Variants in RIMS1 observed in about 807,000 individuals in gnomAD.
RIMS1 encodes regulating synaptic membrane exocytosis 1.
Under a neutral mutation model 214.1 loss-of-function variants are expected in RIMS1, and 83 were observed. The ratio of observed to expected loss-of-function variants is 0.39; its 90% CI spans 0.32 to 0.47. The LOEUF is 0.47. Among genes scored for constraint, RIMS1 ranks in the 20% least tolerant of loss-of-function variants. RIMS1 has a pLI of 0.99. For missense variants in RIMS1, 2,050 were observed against 2,161.8 expected (o/e 0.95, Z 1.03); for synonymous variants, 793 against 786.8 (o/e 1.01, Z -0.13).
intron 11 of RIMS1, 145 bp downstream of exon 11, chr6:72,246,006 G>A: frequency 1.8e-6 from 1 of 556,858 alleles, no homozygotes; most frequent in Non-Finnish European, 3.1e-6. Context: ...GGCAATGATG[G>A]CAATAACTGG....
intron 6 of RIMS1, among the ~76,000 whole-genome samples, chr6:72,209,255 T>A (rs1203268850): frequency 6.6e-6 from 1 of 152,234 alleles, no homozygotes; most frequent in East Asian, 1.9e-4. Flanking sequence ...CTTTTAAATT[T>A]TTCCAGTTAG....
intron 1 of RIMS1, among the ~76,000 whole-genome samples, chr6:71,916,365 C>T (rs983211394): frequency 7.2e-5 from 11 of 151,996 alleles, no homozygotes; most frequent in African/African-American, 2.7e-4. Flanking sequence ...AGGCTGTTTC[C>T]AATGTTACAG....
chr6:71,924,627 C>T (rs1781005642), intron 1 of RIMS1, among the ~76,000 whole-genome samples: 1 of 125,526 alleles, frequency 8.0e-6, no homozygotes, highest in South Asian at 2.4e-4. Flanking sequence ...AACCCCATCT[C>T]TGCAAAAAAA....
At chr6:71,925,845 T>C (rs781024648) in intron 1 of RIMS1, among the ~76,000 whole-genome samples, 5 of 152,264 alleles carry the variant, frequency 3.3e-5, no homozygotes, top group Non-Finnish European at 5.9e-5. Context: ...TGTTGTTGTC[T>C]TACCAATTAC....
intron 2 of RIMS1, among the ~76,000 whole-genome samples, chr6:72,083,980 A>T (rs1409164836): frequency 6.6e-6 from 1 of 152,148 alleles, no homozygotes; most frequent in African/African-American, 2.4e-5. Flanking sequence ...TTCCCTCTTT[A>T]TAGTAACATA....
intron 2 of RIMS1, among the ~76,000 whole-genome samples, chr6:72,051,737 C>T (rs910892910): frequency 3.3e-5 from 5 of 152,112 alleles, no homozygotes; most frequent in African/African-American, 7.2e-5. Context: ...AATTTACTTT[C>T]TGTCTAAATA....
intron 2 of RIMS1, among the ~76,000 whole-genome samples, chr6:72,001,812 A>T (rs946889044): frequency 6.6e-6 from 1 of 152,174 alleles, no homozygotes; most frequent in African/African-American, 2.4e-5. Context: ...GTAACCAGGG[A>T]CATCCCTGTG....
Position 72,182,735 on chromosome 6 carries a change from C to A in RIMS1, c.1264C>A (p.Pro422Thr). 1 of 1,538,628 alleles carries A rather than the reference C, an allele frequency of 6.5e-7. No individual in the cohort carries two copies. ...GCCGGCGGCAGCCAGGGCCTCGCCG[C>A]CGGACTCGCCGCGGGCTTACTCGGC... ...RAPAAARASP[P>T]DSPRAYSAER... The change falls in exon 6 of 34, where the codon CCG (proline) becomes ACG (threonine). Residue 422 changes from proline to threonine, a missense_variant. By Grantham distance (38) the Pro-to-Thr change is conservative. Around this residue, in one of 6 missense-constraint regions of RIMS1, gnomAD observed 882 missense variants for 828.9 expected, o/e 1.06. Coordinates refer to ENST00000521978, the MANE Select transcript of RIMS1 (RefSeq NM_014989.7).
At chr6:72,175,894 T>A (rs1005000537) in intron 4 of RIMS1, among the ~76,000 whole-genome samples, 3 of 152,188 alleles carry the variant, frequency 2.0e-5, no homozygotes, top group Non-Finnish European at 4.4e-5. Flanking sequence ...GTTGCAATTT[T>A]TATTTCTCTG....
At chr6:71,959,508 A>G (rs575900945) in intron 1 of RIMS1, among the ~76,000 whole-genome samples, 28 of 152,262 alleles carry the variant, frequency 1.8e-4, no homozygotes, top group African/African-American at 6.5e-4. Context: ...TGTGATACAA[A>G]TAGAAAACAG....
intron 2 of RIMS1, among the ~76,000 whole-genome samples, chr6:72,059,478 C>T (rs918081760): frequency 2.6e-5 from 4 of 152,166 alleles, no homozygotes; most frequent in African/African-American, 9.7e-5. Flanking sequence ...ATCCATCCCC[C>T]TCGGCCTCCC....
intron 2 of RIMS1, among the ~76,000 whole-genome samples, chr6:72,010,205 A>T (rs1228593207): frequency 6.6e-6 from 1 of 152,238 alleles, no homozygotes; most frequent in African/African-American, 2.4e-5. Flanking sequence ...AATCCAGCAT[A>T]TAAACAGAAG....
At position 72,264,993 on chromosome 6, in the gene RIMS1, TA is replaced by T. The variant is rs587783021; in HGVS notation, c.3139del (p.Thr1047HisfsTer31). 7.8e-5 allele frequency: 124 copies of T among 1,595,860 alleles called. No individual in the cohort carries two copies. The East Asian group carries it at 2.7e-3, about 35-fold the overall frequency. On this transcript the variant is annotated frameshift_variant, in exon 20 of 34. Transcript: ENST00000521978. LOFTEE classifies it high-confidence loss of function. ...HTTRHLVRHY[K>X]TLPPKMPLLQ... ...GTTCCAGACATCTTGTTAGGCACTA[TA>T]AAACATTACCTCCCAAGATGCCTTT...
chr6:71,912,055 TTTA>T (rs1777086928), intron 1 of RIMS1, among the ~76,000 whole-genome samples: 1 of 152,124 alleles, frequency 6.6e-6, no homozygotes, highest in Admixed American at 6.6e-5. Context: ...ATATAAGATT[TTTA>T]TTAAGTCTTC....
intron 29 of RIMS1, among the ~76,000 whole-genome samples, chr6:72,366,174 G>A (rs922277574): frequency 6.6e-6 from 1 of 152,102 alleles, no homozygotes; most frequent in Non-Finnish European, 1.5e-5. Flanking sequence ...GCAGTAGGGT[G>A]GGACGTGAAA....
chr6:71,968,281 T>C (rs927338419), intron 1 of RIMS1, among the ~76,000 whole-genome samples: 16 of 152,242 alleles, frequency 1.1e-4, no homozygotes, highest in African/African-American at 3.9e-4. Context: ...AGTAGGAGTA[T>C]CTCCTCCTGC....
At chr6:72,352,062 A>G (rs2097467772) in intron 29 of RIMS1, among the ~76,000 whole-genome samples, 1 of 152,208 alleles carries the variant, frequency 6.6e-6, no homozygotes, top group Admixed American at 6.5e-5. Flanking sequence ...TAAATGGGGC[A>G]TGTCATTGAA....
chr6:72,073,674 G>T (rs1288094396), intron 2 of RIMS1, among the ~76,000 whole-genome samples: 1 of 152,164 alleles, frequency 6.6e-6, no homozygotes, highest in East Asian at 1.9e-4. Flanking sequence ...CTATTCAAAA[G>T]GAGTGGCTTT....
chr6:72,343,281 CT>C (rs2097154619), intron 29 of RIMS1, among the ~76,000 whole-genome samples: 2 of 151,788 alleles, frequency 1.3e-5, no homozygotes, highest in South Asian at 4.1e-4. Flanking sequence ...GAGAAAATAT[CT>C]GGTTAAGTCT....
Sources: allele counts gnomAD v4.1 joint callset (sites outside exome capture counted in the v4.1 genomes callset), GRCh38; gene constraint gnomAD v4.1.1; regional missense constraint gnomAD v4.1.1; transcripts MANE v1.5; gene names NCBI Gene and HGNC (gene_info 2026-07-23, HGNC 2026-07-21).